RGS7BP: variants seen among roughly 807,000 people sequenced by gnomAD.
RGS7BP encodes regulator of G protein signaling 7 binding protein, also known as regulator of G protein signaling 7-binding protein.
In RGS7BP, 9 loss-of-function variants were observed where a neutral mutation model predicts 31.3. That is an observed-to-expected ratio of 0.29 (90% CI 0.17 to 0.50). The LOEUF is 0.50. Among genes scored for constraint, RGS7BP ranks in the 20% least tolerant of loss-of-function variants. The pLI, the probability that RGS7BP is intolerant of heterozygous loss-of-function variation, is 0.98. For missense variants in RGS7BP, 274 were observed against 322.0 expected, an observed-to-expected ratio of 0.85 and a Z score of 1.14; for synonymous variants, 115 against 120.1, an observed-to-expected ratio of 0.96 and a Z score of 0.28.
chr5:64,526,254 CAAATGTAA>C (rs1399988981), intron 2 of RGS7BP, among the ~76,000 whole-genome samples: 3 of 152,142 alleles, frequency 2.0e-5, no homozygotes, highest in Non-Finnish European at 4.4e-5. Context: ...TTTCATTGTA[CAAATGTAA>C]GTTTGCTTCA....
chr5:64,603,349 C>G (rs1378617360), intron 5 of RGS7BP, among the ~76,000 whole-genome samples: 1 of 152,118 alleles, frequency 6.6e-6, no homozygotes, highest in Non-Finnish European at 1.5e-5. Context: ...CAGAGAACAA[C>G]AACTTTTGGA....
chr5:64,525,580 C>T (rs1471615192), intron 2 of RGS7BP, among the ~76,000 whole-genome samples: 2 of 152,294 alleles, frequency 1.3e-5, no homozygotes, highest in East Asian at 1.9e-4. Context: ...TTTCTAACAC[C>T]TCTATGTGCT....
At chr5:64,582,303 A>G (rs1465207799) in intron 3 of RGS7BP, among the ~76,000 whole-genome samples, 6 of 152,226 alleles carry the variant, frequency 3.9e-5, no homozygotes, top group Admixed American at 2.6e-4. Context: ...TGATCCTGCC[A>G]TTTTGACCAT....
rs188234106 is a variant in RGS7BP, at chr5:64,579,741, T to C, written c.463+3837T>C. 1.3e-4 allele frequency among the ~76,000 whole-genome samples: 20 copies of C among 152,190 alleles called. No homozygotes were observed. In the East Asian group the frequency reaches 3.3e-3, roughly 25 times the overall value. On this transcript the variant is annotated intron_variant, in intron 3 of 5. Transcript: ENST00000334025. ...GAATGACAAATAAAATATTAGCTTT[T>C]GGGGAGGGGTGATTACATTAAAGAA... is the stretch of plus-strand genomic sequence containing the variant.
At chr5:64,602,355 GT>G (rs2111975962) in intron 5 of RGS7BP, among the ~76,000 whole-genome samples, 1 of 152,242 alleles carries the variant, frequency 6.6e-6, no homozygotes, top group African/African-American at 2.4e-5. Flanking sequence ...GCAATCTCTT[GT>G]CCAAGATTCA....
At chr5:64,578,400 T>A (rs746138571) in intron 3 of RGS7BP, among the ~76,000 whole-genome samples, 14 of 152,202 alleles carry the variant, frequency 9.2e-5, no homozygotes, top group Non-Finnish European at 2.1e-4. Context: ...TAAAGTGTAA[T>A]CCTTAGAAAA....
intron 2 of RGS7BP, among the ~76,000 whole-genome samples, chr5:64,532,678 T>G (rs955022753): frequency 3.3e-5 from 5 of 152,196 alleles, no homozygotes; most frequent in African/African-American, 1.2e-4. Context: ...CTCTAAATTC[T>G]TCAGTTCCTG....
At chr5:64,567,591 G>T (rs1209888860) in intron 2 of RGS7BP, among the ~76,000 whole-genome samples, 1 of 152,034 alleles carries the variant, frequency 6.6e-6, no homozygotes, top group Non-Finnish European at 1.5e-5. Context: ...CAGACATCGG[G>T]ATCAATTGAA....
chr5:64,550,345 T>G (rs1741761068), intron 2 of RGS7BP, among the ~76,000 whole-genome samples: 1 of 152,166 alleles, frequency 6.6e-6, no homozygotes, highest in Non-Finnish European at 1.5e-5. Context: ...TCTCACTGTA[T>G]TCTCACTTGG....
At chr5:64,526,723 A>G (rs1749239468) in intron 2 of RGS7BP, among the ~76,000 whole-genome samples, 1 of 152,108 alleles carries the variant, frequency 6.6e-6, no homozygotes, top group Non-Finnish European at 1.5e-5. Context: ...AACCATTTAG[A>G]CACCTACCAT....
chr5:64,534,975 G>T lies in RGS7BP; in HGVS notation c.332+27098G>T, dbSNP rs570069392. Reference sequence around the variant, plus strand: ...ACTGAGTAGGGGCCAGGGATTTAGGGTGATAGGGCCCTGGGTGTCAAGAGA... The same window carrying T: ...ACTGAGTAGGGGCCAGGGATTTAGGTTGATAGGGCCCTGGGTGTCAAGAGA... On this transcript the variant is annotated intron_variant, in intron 2 of 5. Transcript: ENST00000334025. 6.6e-5 allele frequency among the ~76,000 whole-genome samples: 10 copies of T among 152,310 alleles called. No homozygotes were observed. The South Asian group carries it at 2.1e-3, about 32-fold the overall frequency.
intron 2 of RGS7BP, among the ~76,000 whole-genome samples, chr5:64,568,620 C>CTT (rs1742226153): frequency 6.6e-6 from 1 of 152,012 alleles, no homozygotes; most frequent in Non-Finnish European, 1.5e-5. Flanking sequence ...CTAGACCGCC[C>CTT]CTTCAGAATT....
chr5:64,562,297 T>C (rs1317126750), intron 2 of RGS7BP, among the ~76,000 whole-genome samples: 3 of 152,170 alleles, frequency 2.0e-5, no homozygotes, highest in South Asian at 4.1e-4. Context: ...TATAAGGTTC[T>C]CTAGGCATAA....
At chr5:64,570,246 ACTT>A (rs1346006278) in intron 2 of RGS7BP, among the ~76,000 whole-genome samples, 1 of 152,100 alleles carries the variant, frequency 6.6e-6, no homozygotes, top group South Asian at 2.1e-4. Context: ...ATTGCAGCCA[ACTT>A]CTTACCATCC....
chr5:64,521,851 A>G (rs1749115527), intron 2 of RGS7BP, among the ~76,000 whole-genome samples: 2 of 152,194 alleles, frequency 1.3e-5, no homozygotes, highest in African/African-American at 4.8e-5. Context: ...ATTCTACTCC[A>G]TTCTGTTCTA....
chr5:64,610,378 T>C lies in RGS7BP; in HGVS notation c.*1126T>C, dbSNP rs1452190795. ...TTGTTGTGATCTTCCTTCACTAAAC[T>C]TGTAACATGGTACAAATTTTGTTAT... On this transcript the variant is annotated 3_prime_UTR_variant, in exon 6 of 6. Coordinates refer to ENST00000334025, the MANE Select transcript of RGS7BP (RefSeq NM_001029875.3). The C allele has an allele frequency of 6.6e-6, 1 of 152,256 alleles. No individual in the cohort carries two copies. The highest frequency in any genetic ancestry group is 2.4e-5 in the African/African-American group (1 of 41,440). 9.4% of individuals were successfully genotyped at this position (152,256 alleles called of 1,614,324 possible).
chr5:64,598,302 T>C, intron 4 of RGS7BP, 63 bp from the exon 5 acceptor site: 1 of 928,548 alleles, frequency 1.1e-6, no homozygotes, highest in South Asian at 1.3e-5. Context: ...ATATAACAGA[T>C]TGTTTGAGAT....
intron 2 of RGS7BP, among the ~76,000 whole-genome samples, chr5:64,565,993 G>T (rs1256732997): frequency 3.9e-5 from 6 of 152,082 alleles, no homozygotes; most frequent in Admixed American, 3.9e-4. Context: ...GATATAATGT[G>T]TACAGAATCC....
chr5:64,510,062 A>T (rs1031847732), intron 2 of RGS7BP, among the ~76,000 whole-genome samples: 6 of 152,172 alleles, frequency 3.9e-5, no homozygotes, highest in Admixed American at 2.0e-4. Flanking sequence ...GAAGGCTGGT[A>T]GGGAGGCTGT....
Sources: gnomAD v4.1 joint callset for allele counts (sites outside exome capture counted in the v4.1 genomes callset) on GRCh38, gnomAD v4.1.1 for gene constraint, MANE v1.5 for transcripts, NCBI Gene and HGNC (gene_info 2026-07-23, HGNC 2026-07-21) for gene names.